SART3: variants seen among roughly 807,000 people sequenced by gnomAD.
The protein encoded by SART3 is spliceosome associated factor 3, U4/U6 recycling protein.
SART3 carries 44 observed loss-of-function variants against 122.3 expected under a neutral mutation model. The ratio of observed to expected loss-of-function variants is 0.36; its 90% confidence interval spans 0.28 to 0.46. The LOEUF (loss-of-function observed/expected upper bound fraction) is 0.46. SART3 is among the 20% of genes least tolerant of loss of function. The pLI, the probability that SART3 is intolerant of heterozygous loss-of-function variation, is 1.00. For missense variants in SART3, 1,101 were observed against 1,229.0 expected (o/e 0.90, Z 1.56); for synonymous variants, 442 against 454.0 (o/e 0.97, Z 0.34).
At chr12:108,539,538 T>C (rs1468080316) in intron 6 of SART3, among the ~76,000 whole-genome samples, 1 of 152,220 alleles carries the variant, frequency 6.6e-6, no homozygotes, top group Non-Finnish European at 1.5e-5. Flanking sequence ...CCTGGAAGAA[T>C]GTAGATAAAT....
At position 108,530,303 on chromosome 12, in the gene SART3, T is replaced by C; in HGVS notation, c.1754A>G (p.Glu585Gly). 1.2e-6 allele frequency: 2 copies of C among 1,614,106 alleles called. No individual in the cohort carries two copies. Among genetic ancestry groups the C allele is most frequent in the South Asian group, 2.2e-5 (2 of 91,082 alleles). ...TTGCTGCACAAGGGCTGCTTCCTTC[T>C]CTGCAGCCTAGAAAAGTGGGAAGAT... Reference protein sequence around the residue: ...RVNEQRMKAAEKEAALVQQEE... With the variant: ...RVNEQRMKAAGKEAALVQQEE... The change falls in exon 15 of 19, where the codon GAG (glutamate) becomes GGG (glycine). Residue 585 changes from glutamate (E) to glycine (G), a missense_variant. Physicochemically the swap from Glu to Gly is moderately conservative, Grantham distance 98 (BLOSUM62 -2). This residue lies in a region of SART3 where 885 missense variants were observed against 1,080.1 expected (regional missense o/e 0.82). Transcript: ENST00000546815.
In SART3 at chr12:108,549,218, A is replaced by C; in HGVS notation, c.313-4T>G. 1 of 1,614,122 alleles carries C rather than the reference A, an allele frequency of 6.2e-7. No homozygotes were observed. The highest frequency in any genetic ancestry group is 8.5e-7 in the Non-Finnish European group (1 of 1,179,958). Reference sequence around the variant, plus strand: ...AGTCATAGACGTTGATAGACAACTAACAGGAAAAGAAACAAGTTGAAATTT... The same window carrying C: ...AGTCATAGACGTTGATAGACAACTACCAGGAAAAGAAACAAGTTGAAATTT... On this transcript the variant is annotated splice_region_variant and splice_polypyrimidine_tract_variant and intron_variant, in intron 1 of 18. Coordinates refer to ENST00000546815, the MANE Select transcript of SART3 (RefSeq NM_014706.4).
chr12:108,558,715 T>A lies in SART3; in HGVS notation c.312+2128A>T, dbSNP rs79841532. Among the ~76,000 whole-genome samples the A allele has an allele frequency of 1.0e-2, 1,520 of 152,276 alleles. 20 individuals carry two copies. The highest frequency in any genetic ancestry group is 0.034 in the African/African-American group (1,408 of 41,550). On this transcript the variant is annotated intron_variant, in intron 1 of 18. Transcript: ENST00000546815. ...GCTGTGTTTGCTGAATGAGTAAGAC[T>A]AAATTAGCTTCAGCACACTTATTTA...
In SART3 at chr12:108,561,087, T is replaced by A. The variant is rs1159446346; in HGVS notation, c.68A>T (p.Asp23Val). Reference protein sequence around the residue: ...EAESKAGPKADGEEDEVKAAR... With the variant: ...EAESKAGPKAVGEEDEVKAAR... Reference sequence around the variant, plus strand: ...CGCCTTAACCTCATCCTCCTCTCCGTCAGCCTTGGGCCCAGCCTTGGACTC... The same window carrying A: ...CGCCTTAACCTCATCCTCCTCTCCGACAGCCTTGGGCCCAGCCTTGGACTC... Residue 23 changes from aspartate to valine, a missense_variant, in exon 1 of 19, where the codon GAC (aspartate) becomes GTC (valine). Physicochemically the swap from Asp to Val is radical, Grantham distance 152 (BLOSUM62 -3). Transcript: ENST00000546815. 1 of 1,614,152 alleles carries A rather than the reference T, an allele frequency of 6.2e-7. No homozygotes were observed. The highest frequency in any genetic ancestry group is 2.2e-5 in the East Asian group (1 of 44,868).
intron 3 of SART3, among the ~76,000 whole-genome samples, chr12:108,545,843 G>T (rs1873385806): frequency 6.6e-6 from 1 of 151,710 alleles, no homozygotes; most frequent in Non-Finnish European, 1.5e-5. Context: ...GCAGGCACCT[G>T]TAGTCCCAGC....
In SART3 at chr12:108,539,078, C is replaced by T. The variant is rs764488424; in HGVS notation, c.918G>A (p.Glu306=). Residue 306 remains glutamate, a synonymous_variant, in exon 7 of 19, where the codon GAG becomes GAA. Coordinates refer to ENST00000546815, the MANE Select transcript of SART3 (RefSeq NM_014706.4). ...KPYEEALLQA[E]APRLAEYQAY... is the part of the protein sequence containing the mutation. Reference sequence around the variant, plus strand: ...CTTGATATTCTGCCAGCCTTGGTGCCTCTGCCTGCAACTGGAGTACAGGAA... The same window carrying T: ...CTTGATATTCTGCCAGCCTTGGTGCTTCTGCCTGCAACTGGAGTACAGGAA... 2 of 1,614,162 alleles carry T rather than the reference C, an allele frequency of 1.2e-6. No homozygotes were observed. Among genetic ancestry groups the T allele is most frequent in the East Asian group, 4.5e-5 (2 of 44,886 alleles).
At chr12:108,531,572 G>C (rs1025255176) in intron 13 of SART3, 1 of 347,052 alleles carries the variant, frequency 2.9e-6, no homozygotes, top group African/African-American at 2.1e-5. Context: ...TTTATATTAA[G>C]ACTGAAGAAT....
intron 1 of SART3, among the ~76,000 whole-genome samples, chr12:108,551,230 C>T (rs1258139180): frequency 6.6e-6 from 1 of 152,112 alleles, no homozygotes; most frequent in Non-Finnish European, 1.5e-5. Context: ...AAGAAAATTA[C>T]TAGAGATAAA....
chr12:108,536,964 C>A (rs549098409), intron 9 of SART3, 179 bp from the exon 10 acceptor site: 1 of 646,744 alleles, frequency 1.5e-6, no homozygotes, highest in Non-Finnish European at 2.8e-6. Context: ...GAAATTTGAA[C>A]AGAATAGAGC....
chr12:108,546,522 CTT>C (rs59151146), intron 3 of SART3, among the ~76,000 whole-genome samples: 100,384 of 137,618 alleles, frequency 0.73, 37,767 homozygotes, highest in East Asian at 0.91. Flanking sequence ...TTTTTTAATG[CTT>C]TTTTTTTTTT....
intron 12 of SART3, among the ~76,000 whole-genome samples, chr12:108,533,198 A>T (rs1872760429): frequency 1.3e-5 from 2 of 152,248 alleles, no homozygotes; most frequent in South Asian, 4.1e-4. Context: ...CTGCAAAGTC[A>T]AAACTCCTTT....
chr12:108,552,682 G>A (rs2030059591), intron 1 of SART3, among the ~76,000 whole-genome samples: 2 of 151,908 alleles, frequency 1.3e-5, no homozygotes, highest in South Asian at 4.1e-4. Context: ...AAAATGCTGA[G>A]GAAAGAAATC....
intron 7 of SART3, 138 bp downstream of exon 7, chr12:108,538,796 G>A (rs1003137614): frequency 2.2e-5 from 22 of 1,003,576 alleles, no homozygotes; most frequent in African/African-American, 9.7e-5. Context: ...CTTTCTAAAC[G>A]AGTTGGCAAA....
chr12:108,526,218 C>T lies in SART3; in HGVS notation c.2251G>A (p.Val751Met), dbSNP rs1175131963. The T allele has an allele frequency of 6.2e-7, 1 of 1,614,202 alleles. No individual in the cohort carries two copies. The highest frequency in any genetic ancestry group is 8.5e-7 in the Non-Finnish European group (1 of 1,180,024). The change falls in exon 16 of 19, where the codon GTG becomes ATG. Residue 751 changes from valine to methionine, a missense_variant. Physicochemically the swap from Val to Met is conservative, Grantham distance 21. This residue lies in a region of SART3 where 885 missense variants were observed against 1,080.1 expected (regional missense o/e 0.82). Transcript: ENST00000546815. ...GCTGATTTCTCTTCTTTAAACTCCA[C>T]GTAGCAGTAACCTCGGAAATCCCCA... is the stretch of plus-strand genomic sequence containing the variant. ...NRGDFRGYCY[V>M]EFKEEKSALQ...
At chr12:108,557,728 G>A (rs554055251) in intron 1 of SART3, among the ~76,000 whole-genome samples, 51 of 152,358 alleles carry the variant, frequency 3.3e-4, no homozygotes, top group African/African-American at 1.2e-3. Context: ...GGGTTGCAAA[G>A]CCATAGTCTC....
rs571628043 is a variant in SART3, at chr12:108,560,030, T to C, written c.312+813A>G. Among the ~76,000 whole-genome samples, 16 of 152,344 alleles carry C rather than the reference T, an allele frequency of 1.1e-4. No individual in the cohort carries two copies. The South Asian group carries it at 2.1e-3, about 20-fold the overall frequency. ...CACCAGGTTCTGGAGTTACCAGCTA[T>C]GGGATACTAAACCTTCACTCCCGAT... On this transcript the variant is annotated intron_variant, in intron 1 of 18. Transcript: ENST00000546815.
At chr12:108,545,916 C>T (rs1039045711) in intron 3 of SART3, among the ~76,000 whole-genome samples, 3 of 134,412 alleles carry the variant, frequency 2.2e-5, no homozygotes, top group Admixed American at 9.0e-5. Context: ...TGCAGTGAGC[C>T]GAGATCACAC....
Position 108,523,431 on chromosome 12 carries a change from G to A in SART3, c.*26C>T. On this transcript the variant is annotated 3_prime_UTR_variant, in exon 19 of 19. Transcript: ENST00000546815. ...GTCCGCCGGGCCAGAGTGAAGTAAGGCATTTCCTGTCTCCCAGCGTCCCGT... is the reference window on the plus strand; with the variant it reads ...GTCCGCCGGGCCAGAGTGAAGTAAGACATTTCCTGTCTCCCAGCGTCCCGT... The A allele has an allele frequency of 1.9e-6, 3 of 1,611,140 alleles. No individual in the cohort carries two copies. The East Asian group carries it at 6.7e-5, about 36-fold the overall frequency.
At chr12:108,524,695 C>T in intron 17 of SART3, 189 bp from the exon 18 acceptor site, 1 of 635,234 alleles carries the variant, frequency 1.6e-6, no homozygotes, top group East Asian at 2.7e-5. Flanking sequence ...CCCTACTCTC[C>T]TTCCCGAGTG....
Sources: gnomAD v4.1 joint callset for allele counts (sites outside exome capture counted in the v4.1 genomes callset) on GRCh38, gnomAD v4.1.1 for gene constraint, gnomAD v4.1.1 regional missense constraint, MANE v1.5 for transcripts, NCBI Gene and HGNC (gene_info 2026-07-23, HGNC 2026-07-21) for gene names.